Variants in SDHB observed in about 807,000 individuals in gnomAD.
The protein encoded by SDHB is succinate dehydrogenase [ubiquinone] iron-sulfur subunit, mitochondrial.
Under a neutral mutation model 39.7 loss-of-function variants are expected in SDHB, and 21 were observed. The observed-to-expected ratio is 0.53, with a 90% CI of 0.37 to 0.76. The LOEUF is 0.76. Ranked by LOEUF, SDHB falls within the 30% of genes least tolerant of loss-of-function variation. The pLI is 0.00. For synonymous variants in SDHB, 118 were observed against 117.0 expected (o/e 1.01, Z -0.06); for missense variants, 343 against 350.9 (o/e 0.98, Z 0.18).
chr1:17,053,181 G>A lies in SDHB; in HGVS notation c.72+767C>T, dbSNP rs924580535. On this transcript the variant is annotated intron_variant, in intron 1 of 7. Transcript: ENST00000375499. Reference sequence around the variant, plus strand: ...GCAGGTCAGAAATGTGTTGTTTCTTGGCCATACAAGGGGCGTGGGAAAATC... The same window carrying A: ...GCAGGTCAGAAATGTGTTGTTTCTTAGCCATACAAGGGGCGTGGGAAAATC... Among the ~76,000 whole-genome samples, 20 of 152,114 alleles carry A rather than the reference G, an allele frequency of 1.3e-4. 1 individual carries two copies. The highest frequency in any genetic ancestry group is 2.6e-4 in the Non-Finnish European group (18 of 68,018).
chr1:17,039,153 A>G (rs2078065510), intron 2 of SDHB, among the ~76,000 whole-genome samples: 1 of 151,934 alleles, frequency 6.6e-6, no homozygotes, highest in Non-Finnish European at 1.5e-5. Flanking sequence ...TCATTTTACT[A>G]TTTGTTCCAT....
rs2078163173 is a variant in SDHB at position 17,053,958 on chromosome 1, G to C, written c.62C>G (p.Ala21Gly). The C allele has an allele frequency of 6.2e-7, 1 of 1,612,736 alleles. No individual in the cohort carries two copies. The highest frequency in any genetic ancestry group is 8.5e-7 in the Non-Finnish European group (1 of 1,179,344). Reference protein sequence around the residue: ...RRLPATTLGGACLQASRGAQT... With the variant: ...RRLPATTLGGGCLQASRGAQT... Reference sequence around the variant, plus strand: ...GGCTCCAGGACTCACCTGCAGGCAGGCTCCGCCAAGGGTTGTGGCCGGCAA... The same window carrying C: ...GGCTCCAGGACTCACCTGCAGGCAGCCTCCGCCAAGGGTTGTGGCCGGCAA... The change falls in exon 1 of 8, where the codon GCC (alanine) becomes GGC (glycine). Residue 21 changes from alanine (A) to glycine (G), a missense_variant. Coordinates refer to ENST00000375499, the MANE Select transcript of SDHB (RefSeq NM_003000.3).
chr1:17,020,037 A>C (rs981146540), intron 7 of SDHB, among the ~76,000 whole-genome samples: 1 of 152,234 alleles, frequency 6.6e-6, no homozygotes, highest in Non-Finnish European at 1.5e-5. Flanking sequence ...TGATATAAGA[A>C]AGACAGAAGA....
intron 2 of SDHB, among the ~76,000 whole-genome samples, chr1:17,035,064 T>G (rs1274334835): frequency 6.6e-6 from 1 of 152,242 alleles, no homozygotes; most frequent in South Asian, 2.1e-4. Context: ...TTTTTCATGA[T>G]CTGAGGCTCT....
intron 1 of SDHB, among the ~76,000 whole-genome samples, chr1:17,048,996 C>A (rs1161688080): frequency 6.6e-6 from 1 of 152,080 alleles, no homozygotes; most frequent in Non-Finnish European, 1.5e-5. Context: ...TAGGTACAGG[C>A]CACCTTGCCC....
At chr1:17,038,881 G>A (rs1431421383) in intron 2 of SDHB, among the ~76,000 whole-genome samples, 1 of 152,260 alleles carries the variant, frequency 6.6e-6, no homozygotes, top group East Asian at 1.9e-4. Flanking sequence ...AATGAGTGTT[G>A]AATCTTGCCA....
At chr1:17,022,048 G>A (rs1447348833) in intron 7 of SDHB, among the ~76,000 whole-genome samples, 1 of 152,206 alleles carries the variant, frequency 6.6e-6, no homozygotes, top group Non-Finnish European at 1.5e-5. Flanking sequence ...GTGCTGAGAA[G>A]TGCTGGGAGG....
At chr1:17,025,155 C>T (rs551933106) in intron 5 of SDHB, among the ~76,000 whole-genome samples, 44 of 152,204 alleles carry the variant, frequency 2.9e-4, no homozygotes, top group Non-Finnish European at 3.8e-4. Context: ...TTTCATTGTC[C>T]AGCAACAGTG....
chr1:17,019,048 G>T, intron 7 of SDHB, 90 bp from the exon 8 acceptor site: 1 of 999,838 alleles, frequency 1.0e-6, no homozygotes, highest in East Asian at 2.4e-5. Context: ...TTCCTCAGCT[G>T]GTTCAGTGTC....
At chr1:17,047,709 T>C (rs923788066) in intron 1 of SDHB, among the ~76,000 whole-genome samples, 3 of 151,424 alleles carry the variant, frequency 2.0e-5, no homozygotes, top group African/African-American at 7.3e-5. Flanking sequence ...AGAGAGAGTT[T>C]TGCTCTGTCA....
intron 1 of SDHB, among the ~76,000 whole-genome samples, chr1:17,049,892 G>A (rs2078135789): frequency 6.6e-6 from 1 of 151,768 alleles, no homozygotes; most frequent in Non-Finnish European, 1.5e-5. Context: ...TGATCCACCT[G>A]CCTCAGCCTC....
intron 2 of SDHB, among the ~76,000 whole-genome samples, chr1:17,036,114 T>C (rs949521299): frequency 6.6e-6 from 1 of 152,104 alleles, no homozygotes; most frequent in Admixed American, 6.6e-5. Flanking sequence ...TAGAATCAAC[T>C]TGTCAACTTC....
rs368320415 is a variant in SDHB, at chr1:17,024,113, G to C, written c.541-39C>G. On this transcript the variant is annotated intron_variant, in intron 5 of 7. Coordinates refer to ENST00000375499, the MANE Select transcript of SDHB (RefSeq NM_003000.3). ...AAAGAGAGGCAGGAGCTTGTGACGG[G>C]AGAGACTCTGCTATGTCTTCAGCTG... is the stretch of plus-strand genomic sequence containing the variant. 20 of 1,391,742 alleles carry C rather than the reference G, an allele frequency of 1.4e-5. No homozygotes were observed. In the African/African-American group the frequency reaches 2.1e-4, roughly 15 times the overall value. 86.2% of individuals were successfully genotyped at this position (1,391,742 alleles called of 1,614,324 possible). A position where few individuals can be genotyped will look rare whatever the true frequency, so the allele number is the denominator to read the frequency against.
intron 3 of SDHB, 47 bp from the exon 4 acceptor site, chr1:17,028,783 A>T (rs760343194): frequency 6.2e-7 from 1 of 1,607,358 alleles, no homozygotes; most frequent in East Asian, 2.2e-5. Context: ...ATCCGGAATC[A>T]GTCCTGCCCC....
intron 1 of SDHB, among the ~76,000 whole-genome samples, chr1:17,050,798 CAA>C (rs930843275): frequency 3.9e-5 from 6 of 152,136 alleles, no homozygotes; most frequent in African/African-American, 9.7e-5. Flanking sequence ...GAGGTCTGTA[CAA>C]AGAGTTAATT....
intron 7 of SDHB, 48 bp downstream of exon 7, chr1:17,022,560 T>C: frequency 1.9e-6 from 3 of 1,611,016 alleles, no homozygotes; most frequent in South Asian, 1.1e-5. Flanking sequence ...ATGCTACTTC[T>C]GGCGTGTCAG....
intron 1 of SDHB, among the ~76,000 whole-genome samples, chr1:17,045,844 G>T (rs1403378390): frequency 6.6e-6 from 1 of 152,138 alleles, no homozygotes; most frequent in Non-Finnish European, 1.5e-5. Flanking sequence ...TAGGAAACCC[G>T]TACAGGGTAC....
intron 2 of SDHB, among the ~76,000 whole-genome samples, chr1:17,043,056 G>C (rs1419103171): frequency 7.4e-6 from 1 of 135,752 alleles, no homozygotes; most frequent in Admixed American, 9.0e-5. Context: ...CCGCCTCCCA[G>C]GTTCAAGTGA....
chr1:17,024,213 G>GGGGT (rs1381011492), intron 5 of SDHB, 139 bp from the exon 6 acceptor site: 1 of 701,838 alleles, frequency 1.4e-6, no homozygotes, highest in African/African-American at 1.7e-5. Context: ...CAAAATCCAA[G>GGGGT]GGGTGATTTG....
Sources: allele counts gnomAD v4.1 joint callset (sites outside exome capture counted in the v4.1 genomes callset), GRCh38; gene constraint gnomAD v4.1.1; transcripts MANE v1.5; gene names NCBI Gene and HGNC (gene_info 2026-07-23, HGNC 2026-07-21).